The following FER variants were observed in gnomAD, a reference collection of about 807,000 sequenced individuals.
FER encodes the protein tyrosine-protein kinase Fer.
A neutral mutation model predicts 111.0 loss-of-function variants in FER; 63 were observed. The observed-to-expected ratio is 0.57, with a 90% CI of 0.46 to 0.70. The LOEUF is 0.70. Among genes scored for constraint, FER ranks in the 30% least tolerant of loss-of-function variants. The pLI is 0.00. For synonymous variants in FER, 327 were observed against 313.9 expected, an observed-to-expected ratio of 1.04 and a Z score of -0.44; for missense variants, 914 against 954.0, an observed-to-expected ratio of 0.96 and a Z score of 0.55.
intron 16 of FER, among the ~76,000 whole-genome samples, chr5:109,048,730 G>C (rs1263727926): frequency 6.6e-6 from 1 of 152,038 alleles, no homozygotes; most frequent in Non-Finnish European, 1.5e-5. Context: ...ATATCTCAAA[G>C]CTAATTGCTG....
rs1198300986 is a variant in FER at position 109,044,705 on chromosome 5, G to A, written c.1739G>A (p.Gly580Asp). 1 of 1,580,282 alleles carries A rather than the reference G, an allele frequency of 6.3e-7. No individual in the cohort carries two copies. The change falls in exon 15 of 20, where the codon GGC becomes GAC. Residue 580 changes from glycine to aspartate, a missense_variant. Transcript: ENST00000281092. ...GGAAATTTTGGTGAAGTATATAAGG[G>A]CACATTAAAGGATAAAACTTCTGTT... ...GKGNFGEVYK[G>D]TLKDKTSVAV...
At chr5:108,884,589 T>C (rs1337263798) in intron 9 of FER, among the ~76,000 whole-genome samples, 4 of 151,948 alleles carry the variant, frequency 2.6e-5, no homozygotes, top group African/African-American at 9.7e-5. Context: ...TTATGTATTA[T>C]GTTCACCTTT....
At chr5:108,816,178 G>A (rs1352054123) in intron 3 of FER, among the ~76,000 whole-genome samples, 1 of 152,002 alleles carries the variant, frequency 6.6e-6, no homozygotes, top group Non-Finnish European at 1.5e-5. Context: ...AACGATTTGA[G>A]CTTAACGTTA....
At chr5:108,815,402 T>C (rs1561460089) in intron 3 of FER, among the ~76,000 whole-genome samples, 1 of 152,286 alleles carries the variant, frequency 6.6e-6, no homozygotes, top group East Asian at 1.9e-4. Flanking sequence ...CTACTTAATC[T>C]GGGTAACAGA....
chr5:109,033,883 G>A (rs1769991198), intron 13 of FER, among the ~76,000 whole-genome samples: 1 of 151,782 alleles, frequency 6.6e-6, no homozygotes, highest in South Asian at 2.1e-4. Context: ...TATATTTATG[G>A]GTATGAGTAC....
At chr5:108,997,267 A>T (rs1335539412) in intron 13 of FER, among the ~76,000 whole-genome samples, 3 of 151,466 alleles carry the variant, frequency 2.0e-5, no homozygotes, top group Non-Finnish European at 4.4e-5. Context: ...ATACAAAAAA[A>T]ATTAGCCGGG....
chr5:108,951,583 A>G (rs890563540), intron 11 of FER, among the ~76,000 whole-genome samples: 1 of 152,226 alleles, frequency 6.6e-6, no homozygotes, highest in Admixed American at 6.5e-5. Flanking sequence ...CTAAATTTAC[A>G]TGAGAATAGA....
intron 10 of FER, among the ~76,000 whole-genome samples, chr5:108,927,409 C>T (rs1490628289): frequency 3.3e-5 from 5 of 151,850 alleles, no homozygotes; most frequent in African/African-American, 1.2e-4. Flanking sequence ...TACAGGCGCC[C>T]GCCACCGCGC....
intron 16 of FER, among the ~76,000 whole-genome samples, chr5:109,079,845 C>A (rs1266812368): frequency 6.6e-6 from 1 of 152,128 alleles, no homozygotes; most frequent in Non-Finnish European, 1.5e-5. Context: ...ATGCCAACCC[C>A]ACAGTTCTCT....
chr5:108,867,710 G>T, intron 5 of FER, 57 bp from the exon 6 acceptor site: 1 of 1,495,274 alleles, frequency 6.7e-7, no homozygotes, highest in South Asian at 1.2e-5. Flanking sequence ...ATGTAGTGAA[G>T]ATACAATTTT....
chr5:108,981,797 G>C (rs1169855527), intron 13 of FER, among the ~76,000 whole-genome samples: 1 of 152,068 alleles, frequency 6.6e-6, no homozygotes, highest in Non-Finnish European at 1.5e-5. Context: ...GCAGAGCTTG[G>C]ATTCCAACCC....
chr5:109,131,395 C>A (rs1752342791), intron 17 of FER, among the ~76,000 whole-genome samples: 1 of 151,902 alleles, frequency 6.6e-6, no homozygotes, highest in African/African-American at 2.4e-5. Flanking sequence ...CTTAATAATC[C>A]TTTGCTGTAG....
At chr5:108,956,016 T>C (rs534741715) in intron 12 of FER, among the ~76,000 whole-genome samples, 37 of 151,926 alleles carry the variant, frequency 2.4e-4, no homozygotes, top group African/African-American at 8.9e-4. Flanking sequence ...TTAAAAGGAA[T>C]ATATCCATTA....
rs574452038 is a variant in FER at position 108,897,791 on chromosome 5, G to T, written c.1179G>T (p.Gly393=). The change falls in exon 10 of 20, where the codon GGG becomes GGT. Residue 393 remains glycine, a synonymous_variant. Coordinates refer to ENST00000281092, the MANE Select transcript of FER (RefSeq NM_005246.4). The stretch of plus-strand genomic sequence containing the variant: ...AGCAAAAAGTGCAAGAAAATGATGG[G>T]AAAGAGCCACCTCCAGTAGTAAATT... ...LLEQKVQEND[G]KEPPPVVNYE... is the part of the protein sequence containing the mutation. The T allele has an allele frequency of 9.2e-5, 148 of 1,613,374 alleles. 2 individuals carry two copies. The South Asian group carries it at 1.5e-3, about 16-fold the overall frequency.
chr5:108,941,006 T>C (rs1387185843), intron 10 of FER, among the ~76,000 whole-genome samples: 1 of 152,080 alleles, frequency 6.6e-6, no homozygotes, highest in African/African-American at 2.4e-5. Flanking sequence ...GTTGTCTTCT[T>C]AGGTACATAA....
chr5:108,766,856 G>A (rs927140491), intron 1 of FER, among the ~76,000 whole-genome samples: 14 of 152,190 alleles, frequency 9.2e-5, no homozygotes, highest in Non-Finnish European at 2.1e-4. Flanking sequence ...CAGGCAAAAA[G>A]TGAGACGTTG....
intron 13 of FER, among the ~76,000 whole-genome samples, chr5:109,020,942 G>A (rs1767840899): frequency 6.6e-6 from 1 of 151,964 alleles, no homozygotes; most frequent in South Asian, 2.1e-4. Context: ...TTAACACTCA[G>A]AACATAAAGA....
At chr5:109,096,823 T>G (rs1747590131) in intron 16 of FER, among the ~76,000 whole-genome samples, 1 of 151,694 alleles carries the variant, frequency 6.6e-6, no homozygotes, top group Non-Finnish European at 1.5e-5. Context: ...TGAAGGAAAT[T>G]GGGATGAATC....
At chr5:108,996,559 T>C (rs545547285) in intron 13 of FER, among the ~76,000 whole-genome samples, 1 of 152,332 alleles carries the variant, frequency 6.6e-6, no homozygotes, top group South Asian at 2.1e-4. Flanking sequence ...TTGTCAAAGA[T>C]AAGATGGTTG....
Sources: allele counts gnomAD v4.1 joint callset (sites outside exome capture counted in the v4.1 genomes callset), GRCh38; gene constraint gnomAD v4.1.1; transcripts MANE v1.5; gene names NCBI Gene and HGNC (gene_info 2026-07-23, HGNC 2026-07-21).